The following PRKN variants were observed in gnomAD, a reference collection of about 807,000 sequenced individuals.
The protein encoded by PRKN is E3 ubiquitin-protein ligase parkin.
Under a neutral mutation model 59.5 loss-of-function variants are expected in PRKN, and 56 were observed. That is an observed-to-expected ratio of 0.94 (90% CI 0.76 to 1.18). The LOEUF (loss-of-function observed/expected upper bound fraction) is 1.18, where lower values mean the gene tolerates loss of function less well. PRKN is among the 50% of genes most tolerant of loss of function. The pLI is 0.00. For synonymous variants in PRKN, 250 were observed against 222.1 expected, an observed-to-expected ratio of 1.13 and a Z score of -1.12; for missense variants, 657 against 596.4, an observed-to-expected ratio of 1.10 and a Z score of -1.06.
intron 7 of PRKN, among the ~76,000 whole-genome samples, chr6:161,721,536 T>C (rs1201997449): frequency 3.3e-5 from 5 of 152,146 alleles, no homozygotes; most frequent in Admixed American, 6.5e-5. Flanking sequence ...GATAAAATAA[T>C]AAAAAGTAAT....
chr6:162,603,450 G>A (rs948669543), intron 1 of PRKN, among the ~76,000 whole-genome samples: 21 of 152,070 alleles, frequency 1.4e-4, no homozygotes, highest in African/African-American at 2.7e-4. Flanking sequence ...AGTCCCACCC[G>A]TTCATTTACA....
intron 4 of PRKN, among the ~76,000 whole-genome samples, chr6:162,170,788 C>A (rs1395790463): frequency 6.6e-6 from 1 of 151,990 alleles, no homozygotes; most frequent in Non-Finnish European, 1.5e-5. Flanking sequence ...AAGGAAGGAC[C>A]ACAAATGGTA....
intron 1 of PRKN, among the ~76,000 whole-genome samples, chr6:162,470,514 C>A (rs73035847): frequency 6.6e-6 from 1 of 151,616 alleles, no homozygotes; most frequent in Admixed American, 6.6e-5. Context: ...TCGCTTGAAC[C>A]CGGGAGGCGG....
At chr6:161,815,185 T>A (rs896767168) in intron 6 of PRKN, among the ~76,000 whole-genome samples, 2 of 152,232 alleles carry the variant, frequency 1.3e-5, no homozygotes, top group Non-Finnish European at 2.9e-5. Context: ...CGTTACTTCA[T>A]ATGATTCTAG....
intron 7 of PRKN, among the ~76,000 whole-genome samples, chr6:161,694,418 TG>T (rs201596521): frequency 3.8e-4 from 58 of 152,252 alleles, no homozygotes; most frequent in Admixed American, 3.0e-3. Flanking sequence ...AAATACCCTT[TG>T]GGGTTTTTTT....
intron 4 of PRKN, among the ~76,000 whole-genome samples, chr6:162,196,820 C>T (rs1218240808): frequency 6.6e-6 from 1 of 152,104 alleles, no homozygotes; most frequent in Non-Finnish European, 1.5e-5. Flanking sequence ...AAAAGCAACT[C>T]ATTATTATTA....
At chr6:161,914,968 C>A (rs1248148207) in intron 6 of PRKN, among the ~76,000 whole-genome samples, 1 of 152,146 alleles carries the variant, frequency 6.6e-6, no homozygotes, top group Non-Finnish European at 1.5e-5. Flanking sequence ...GCAGATATCA[C>A]TGAAAATCAT....
At position 161,722,551 on chromosome 6, in the gene PRKN, G is replaced by T. The variant is rs534616326; in HGVS notation, c.871+63221C>A. 2.6e-5 allele frequency among the ~76,000 whole-genome samples: 4 copies of T among 152,222 alleles called. No individual in the cohort carries two copies. The South Asian group carries it at 6.2e-4, about 24-fold the overall frequency. The stretch of plus-strand genomic sequence containing the variant: ...ATTTTCTTAGGATAAATTTCTAACA[G>T]TCTATTTTCTGGTCCAAACGTGTAA... On this transcript the variant is annotated intron_variant, in intron 7 of 11. Coordinates refer to ENST00000366898, the MANE Select transcript of PRKN (RefSeq NM_004562.3).
chr6:162,291,286 C>A (rs997524364), intron 2 of PRKN, among the ~76,000 whole-genome samples: 2 of 152,032 alleles, frequency 1.3e-5, no homozygotes, highest in Non-Finnish European at 2.9e-5. Context: ...GCATCGTCTA[C>A]TGCCAGGCCT....
At chr6:162,336,080 A>G (rs891473836) in intron 2 of PRKN, among the ~76,000 whole-genome samples, 2 of 152,044 alleles carry the variant, frequency 1.3e-5, no homozygotes, top group South Asian at 4.2e-4. Flanking sequence ...ACAATGGAAT[A>G]GTTGGGCTCC....
Position 162,194,471 on chromosome 6 carries a change from G to T in PRKN, c.534+6660C>A, listed in dbSNP as rs551331654. On this transcript the variant is annotated intron_variant, in intron 4 of 11. Coordinates refer to ENST00000366898, the MANE Select transcript of PRKN (RefSeq NM_004562.3). Reference sequence around the variant, plus strand: ...AAACCCAGGCATGAATTATCAAAATGAGTCTCAAGAAAATGGCAGTAGCAG... The same window carrying T: ...AAACCCAGGCATGAATTATCAAAATTAGTCTCAAGAAAATGGCAGTAGCAG... Among the ~76,000 whole-genome samples, 5 of 152,262 alleles carry T rather than the reference G, an allele frequency of 3.3e-5. No individual in the cohort carries two copies. The South Asian group carries it at 1.0e-3, about 32-fold the overall frequency.
At chr6:162,717,955 G>A (rs1448517254) in intron 1 of PRKN, among the ~76,000 whole-genome samples, 3 of 152,138 alleles carry the variant, frequency 2.0e-5, no homozygotes, top group Non-Finnish European at 4.4e-5. Context: ...GCTTAACGCT[G>A]AAGATCTGAA....
intron 6 of PRKN, among the ~76,000 whole-genome samples, chr6:161,811,817 G>C (rs1386164754): frequency 6.6e-6 from 1 of 152,088 alleles, no homozygotes; most frequent in African/African-American, 2.4e-5. Context: ...CGCTACTCAG[G>C]AGGCTGAGGC....
chr6:162,683,207 CAA>C (rs1232232417), intron 1 of PRKN, among the ~76,000 whole-genome samples: 2 of 152,026 alleles, frequency 1.3e-5, no homozygotes, highest in Non-Finnish European at 2.9e-5. Flanking sequence ...CTATGCTGTC[CAA>C]AAGAGTAATC....
At chr6:161,512,557 C>G (rs1012404636) in intron 9 of PRKN, among the ~76,000 whole-genome samples, 2 of 152,162 alleles carry the variant, frequency 1.3e-5, no homozygotes, top group African/African-American at 4.8e-5. Context: ...TTTCAGGTCA[C>G]CATATTGAAC....
chr6:161,386,964 C>A lies in PRKN; in HGVS notation c.1084-87G>T. 5.9e-6 allele frequency: 6 copies of A among 1,025,506 alleles called. No individual in the cohort carries two copies. The highest frequency in any genetic ancestry group is 4.7e-5 in the East Asian group (2 of 42,154). 63.5% of individuals were successfully genotyped at this position (1,025,506 alleles called of 1,614,324 possible). ...TTTCCTTTTCCAAATTCATTATATT[C>A]ATTCCTCTGGCTTGTGCAACAGTTT... is the stretch of plus-strand genomic sequence containing the variant. On this transcript the variant is annotated intron_variant, in intron 9 of 11. Transcript: ENST00000366898. This position sits in a 1 kb window ranked among gnomAD's most constrained non-coding sequence, Gnocchi z 4.3.
chr6:161,820,676 C>A, intron 6 of PRKN, among the ~76,000 whole-genome samples: 1 of 146,766 alleles, frequency 6.8e-6, no homozygotes, highest in Non-Finnish European at 1.5e-5. Flanking sequence ...TTATAAATGG[C>A]AATTTTTATA....
At chr6:162,592,762 T>C (rs1781359480) in intron 1 of PRKN, among the ~76,000 whole-genome samples, 2 of 151,444 alleles carry the variant, frequency 1.3e-5, no homozygotes, top group African/African-American at 4.8e-5. Flanking sequence ...TTTTAAAAGA[T>C]TCAGAAGGAT....
At chr6:162,040,519 C>T (rs1784025331) in intron 5 of PRKN, among the ~76,000 whole-genome samples, 1 of 150,882 alleles carries the variant, frequency 6.6e-6, no homozygotes, top group Non-Finnish European at 1.5e-5. Context: ...GATTCTTGTG[C>T]CTCAGACTCC....
Sources: gnomAD v4.1 joint callset for allele counts (sites outside exome capture counted in the v4.1 genomes callset) on GRCh38, gnomAD v4.1.1 for gene constraint, Gnocchi (gnomAD v3.1) non-coding constraint, MANE v1.5 for transcripts, NCBI Gene and HGNC (gene_info 2026-07-23, HGNC 2026-07-21) for gene names.